Variants in SNX3 observed in about 807,000 individuals in gnomAD.
The protein encoded by SNX3 is sorting nexin-3.
SNX3 carries 5 observed loss-of-function variants against 17.7 expected under a neutral mutation model. That is an observed-to-expected ratio of 0.28 (90% confidence interval 0.15 to 0.59). The LOEUF is 0.59. Ranked by LOEUF, SNX3 falls within the 20% of genes least tolerant of loss-of-function variation. The pLI is 0.88. For synonymous variants in SNX3, 91 were observed against 76.5 expected (o/e 1.19, Z -0.99); for missense variants, 132 against 206.8 (o/e 0.64, Z 2.22).
At chr6:108,233,416 C>T (rs886577347) in intron 1 of SNX3, among the ~76,000 whole-genome samples, 2 of 152,136 alleles carry the variant, frequency 1.3e-5, no homozygotes, top group African/African-American at 4.8e-5. Context: ...CTTGTCCAAT[C>T]CTAAGAAACA....
At position 108,260,926 on chromosome 6, in the gene SNX3, C is replaced by T. The variant is rs776458119; in HGVS notation, c.-5G>A. The T allele has an allele frequency of 1.9e-6, 3 of 1,568,824 alleles. No homozygotes were observed. The highest frequency in any genetic ancestry group is 2.6e-6 in the Non-Finnish European group (3 of 1,158,268). ...GTCAGCCACGGTCTCCGCCATTTCG[C>T]TGTAGCTGCTGCCGCCGCCGCGGGC... On this transcript the variant is annotated 5_prime_UTR_variant, in exon 1 of 4. Coordinates refer to ENST00000230085, the MANE Select transcript of SNX3 (RefSeq NM_003795.6).
intron 1 of SNX3, among the ~76,000 whole-genome samples, chr6:108,229,320 ATAATATGAAAAG>A (rs1775068186): frequency 6.6e-6 from 1 of 151,324 alleles, no homozygotes; most frequent in Non-Finnish European, 1.5e-5. Flanking sequence ...TACCATTTGT[ATAATATGAAAAG>A]CACGGAAGAA....
chr6:108,222,381 A>G (rs775560329), intron 2 of SNX3: 630 of 1,292,938 alleles, frequency 4.9e-4, no homozygotes, highest in Non-Finnish European at 6.3e-4. Context: ...CAAAGCTACC[A>G]AATTCTATTC....
intron 1 of SNX3, among the ~76,000 whole-genome samples, chr6:108,258,613 G>A (rs1279379590): frequency 2.0e-5 from 3 of 151,972 alleles, no homozygotes; most frequent in Non-Finnish European, 4.4e-5. Context: ...GGGCTCAAGT[G>A]ATCCTCCCAC....
intron 1 of SNX3, among the ~76,000 whole-genome samples, chr6:108,237,845 C>T (rs1775396933): frequency 6.6e-6 from 1 of 150,984 alleles, no homozygotes; most frequent in African/African-American, 2.4e-5. Flanking sequence ...TGTCTGTAAT[C>T]CCAGCACCTT....
chr6:108,237,969 C>T (rs769607444), intron 1 of SNX3, among the ~76,000 whole-genome samples: 17 of 151,222 alleles, frequency 1.1e-4, no homozygotes, highest in African/African-American at 1.5e-4. Context: ...TGGTGGCACG[C>T]GCCTGTAGTC....
chr6:108,216,339 A>C (rs553536594), intron 2 of SNX3, among the ~76,000 whole-genome samples: 1 of 152,312 alleles, frequency 6.6e-6, no homozygotes, highest in Admixed American at 6.5e-5. Context: ...CCCACTAGAC[A>C]ACATAGCACC....
rs187391889 is a variant in SNX3 at position 108,258,161 on chromosome 6, A to T, written c.162+2599T>A. The stretch of plus-strand genomic sequence containing the variant: ...GTTCCCTGACTCATTAATCGTTCTT[A>T]AAAAAGATTATTTTCAGGCCAGGCG... On this transcript the variant is annotated intron_variant, in intron 1 of 3. Coordinates refer to ENST00000230085, the MANE Select transcript of SNX3 (RefSeq NM_003795.6). Among the ~76,000 whole-genome samples, 3 of 152,092 alleles carry T rather than the reference A, an allele frequency of 2.0e-5. No individual in the cohort carries two copies. In the East Asian group the frequency reaches 5.8e-4, roughly 30 times the overall value.
chr6:108,218,576 C>T (rs1774657776), intron 2 of SNX3, among the ~76,000 whole-genome samples: 1 of 152,208 alleles, frequency 6.6e-6, no homozygotes, highest in Non-Finnish European at 1.5e-5. Flanking sequence ...CAAATGTTCA[C>T]AGCAGCACTA....
At chr6:108,232,295 T>C (rs1196405777) in intron 1 of SNX3, among the ~76,000 whole-genome samples, 1 of 152,094 alleles carries the variant, frequency 6.6e-6, no homozygotes, top group Admixed American at 6.6e-5. Flanking sequence ...GTATTACTAA[T>C]CACACAGGGT....
chr6:108,239,889 A>C (rs1401206287), intron 1 of SNX3, among the ~76,000 whole-genome samples: 2 of 152,236 alleles, frequency 1.3e-5, no homozygotes, highest in Non-Finnish European at 2.9e-5. Flanking sequence ...TAAACACTGC[A>C]TAAAAAGTGT....
chr6:108,212,651 A>G (rs1044161891), intron 3 of SNX3, among the ~76,000 whole-genome samples: 1 of 152,038 alleles, frequency 6.6e-6, no homozygotes, highest in Non-Finnish European at 1.5e-5. Context: ...AATCATGTAC[A>G]GTTTACCAAT....
intron 1 of SNX3, among the ~76,000 whole-genome samples, chr6:108,260,021 A>G (rs1776141973): frequency 6.6e-6 from 1 of 152,234 alleles, no homozygotes; most frequent in South Asian, 2.1e-4. Flanking sequence ...ACTAGTTATG[A>G]AATTAGGTAT....
At chr6:108,250,562 T>TA (rs1379858624) in intron 1 of SNX3, among the ~76,000 whole-genome samples, 1 of 152,204 alleles carries the variant, frequency 6.6e-6, no homozygotes, top group East Asian at 1.9e-4. Context: ...GATATACACA[T>TA]ACATGCCTAG....
At chr6:108,222,427 T>A (rs994053188) in intron 2 of SNX3, 47 of 1,114,026 alleles carry the variant, frequency 4.2e-5, no homozygotes, top group Admixed American at 5.4e-5. Context: ...TGTTTTTAAA[T>A]TGCCGGCAGC....
intron 1 of SNX3, among the ~76,000 whole-genome samples, chr6:108,245,240 T>C (rs146039812): frequency 5.7e-4 from 87 of 152,316 alleles, no homozygotes; most frequent in Non-Finnish European, 2.5e-4. Flanking sequence ...GTTAGTTTGC[T>C]GAGGATGATA....
chr6:108,217,643 T>C (rs1052111834), intron 2 of SNX3, among the ~76,000 whole-genome samples: 3 of 151,536 alleles, frequency 2.0e-5, no homozygotes, highest in African/African-American at 7.3e-5. Context: ...GTAACCCCTT[T>C]ACTCAGGAGG....
chr6:108,211,854 C>T lies in SNX3; in HGVS notation c.*295G>A, dbSNP rs1774415511. ...TGTGCAAATAAGACCAAGCCAGTAA[C>T]TTTAGTTACGACACTGCAGATTACA... is the stretch of plus-strand genomic sequence containing the variant. On this transcript the variant is annotated 3_prime_UTR_variant, in exon 4 of 4. Coordinates refer to ENST00000230085, the MANE Select transcript of SNX3 (RefSeq NM_003795.6). The T allele has an allele frequency of 4.7e-6, 1 of 210,848 alleles. No homozygotes were observed. Among genetic ancestry groups the T allele is most frequent in the South Asian group, 9.2e-5 (1 of 10,898 alleles). The allele number at this position is 210,848 out of a possible 1,614,324, so 13.1% of individuals were successfully genotyped here. A position where few individuals can be genotyped will look rare whatever the true frequency, so the allele number is the denominator to read the frequency against.
chr6:108,234,565 A>G (rs1775268082), intron 1 of SNX3, among the ~76,000 whole-genome samples: 1 of 152,154 alleles, frequency 6.6e-6, no homozygotes, highest in South Asian at 2.1e-4. Context: ...AAACAAAACA[A>G]AACAAAACAT....
Sources: allele counts gnomAD v4.1 joint callset (sites outside exome capture counted in the v4.1 genomes callset), GRCh38; gene constraint gnomAD v4.1.1; transcripts MANE v1.5; gene names NCBI Gene and HGNC (gene_info 2026-07-23, HGNC 2026-07-21).